GLIS3: variants seen among roughly 807,000 people sequenced by gnomAD.
The protein encoded by GLIS3 is zinc finger protein GLIS3.
In GLIS3, 53 loss-of-function variants were observed where a neutral mutation model predicts 78.6. The ratio of observed to expected loss-of-function variants is 0.67; its 90% CI spans 0.54 to 0.85. The LOEUF (loss-of-function observed/expected upper bound fraction) is 0.85, where lower values mean the gene tolerates loss of function less well. Ranked by LOEUF, GLIS3 falls within the 40% of genes least tolerant of loss-of-function variation. The probability of loss-of-function intolerance (pLI) is 0.00; values close to 1 mark genes in which losing one functional copy is unlikely to be tolerated. For missense variants in GLIS3, 1,703 were observed against 1,231.1 expected (o/e 1.38, Z -5.74); for synonymous variants, 684 against 509.9 (o/e 1.34, Z -4.60).
intron 2 of GLIS3, among the ~76,000 whole-genome samples, chr9:4,325,916 C>G (rs1386530127): frequency 6.6e-6 from 1 of 152,166 alleles, no homozygotes; most frequent in African/African-American, 2.4e-5. Context: ...ATGGATCGAG[C>G]TGGAAGCCAT....
chr9:3,960,022 T>A (rs472170), intron 4 of GLIS3, among the ~76,000 whole-genome samples: 1 of 151,936 alleles, frequency 6.6e-6, no homozygotes, highest in African/African-American at 2.4e-5. Context: ...CATGGTGGTG[T>A]GCACCTGTAA....
intron 2 of GLIS3, among the ~76,000 whole-genome samples, chr9:4,207,573 G>A (rs938713311): frequency 6.6e-6 from 1 of 152,094 alleles, no homozygotes; most frequent in Non-Finnish European, 1.5e-5. Context: ...ATGTTACTAC[G>A]TGCCTTACAC....
At chr9:3,832,654 G>A (rs1426222705) in intron 9 of GLIS3, among the ~76,000 whole-genome samples, 1 of 152,168 alleles carries the variant, frequency 6.6e-6, no homozygotes. Context: ...GGCAAATATG[G>A]CAGTATCATC....
At chr9:4,016,517 G>A (rs567367019) in intron 4 of GLIS3, among the ~76,000 whole-genome samples, 3 of 152,160 alleles carry the variant, frequency 2.0e-5, no homozygotes, top group African/African-American at 7.2e-5. Flanking sequence ...TGCCAATGGG[G>A]CATTTCAGAA....
chr9:4,408,771 G>C, the GLIS3 span, among the ~76,000 whole-genome samples: 1 of 149,676 alleles, frequency 6.7e-6, no homozygotes, highest in African/African-American at 2.5e-5. Context: ...ATAGGACCTA[G>C]TATTTGATGT....
chr9:4,320,588 T>C (rs1017157861), intron 2 of GLIS3, among the ~76,000 whole-genome samples: 3 of 144,106 alleles, frequency 2.1e-5, no homozygotes, highest in Admixed American at 6.7e-5. Flanking sequence ...ACAAAACCCA[T>C]CATCATCACC....
chr9:3,911,449 T>C (rs1824146726), intron 6 of GLIS3, among the ~76,000 whole-genome samples: 1 of 152,214 alleles, frequency 6.6e-6, no homozygotes, highest in Non-Finnish European at 1.5e-5. Context: ...CCTTCTTCAG[T>C]GCCTTGTGAA....
intron 4 of GLIS3, among the ~76,000 whole-genome samples, chr9:4,059,650 G>A (rs1291420752): frequency 1.3e-5 from 2 of 152,134 alleles, no homozygotes; most frequent in Non-Finnish European, 2.9e-5. Flanking sequence ...ATTCTAAACA[G>A]CCAACATGTG....
chr9:4,203,357 G>A (rs1361954691), intron 2 of GLIS3, among the ~76,000 whole-genome samples: 4 of 152,204 alleles, frequency 2.6e-5, no homozygotes, highest in African/African-American at 9.7e-5. Flanking sequence ...GGAGAAAAGG[G>A]AATGCTTATA....
At chr9:3,881,553 G>A (rs921370310) in intron 7 of GLIS3, among the ~76,000 whole-genome samples, 2 of 152,126 alleles carry the variant, frequency 1.3e-5, no homozygotes, top group African/African-American at 4.8e-5. Context: ...AATGACATAG[G>A]CTGGGAAATT....
intron 2 of GLIS3, among the ~76,000 whole-genome samples, chr9:4,345,325 C>A (rs531139384): frequency 1.3e-5 from 2 of 152,276 alleles, no homozygotes; most frequent in South Asian, 2.1e-4. Context: ...TCTATAATGA[C>A]CCCACTTAAT....
chr9:4,139,797 G>A (rs943562830), intron 2 of GLIS3, among the ~76,000 whole-genome samples: 1 of 152,154 alleles, frequency 6.6e-6, no homozygotes, highest in African/African-American at 2.4e-5. Context: ...TGGGGTTTCT[G>A]CCTCTATGAG....
At chr9:4,191,129 C>G (rs181391295) in intron 2 of GLIS3, among the ~76,000 whole-genome samples, 1 of 149,746 alleles carries the variant, frequency 6.7e-6, no homozygotes, top group African/African-American at 2.4e-5. Context: ...CATCAACTAA[C>G]GAGCAAAATA....
chr9:4,129,326 G>T (rs148394635), intron 2 of GLIS3, among the ~76,000 whole-genome samples: 51 of 152,270 alleles, frequency 3.3e-4, no homozygotes, highest in Middle Eastern at 3.4e-3. Flanking sequence ...CTGCCAAACA[G>T]GGATAAAGTT....
intron 4 of GLIS3, among the ~76,000 whole-genome samples, chr9:4,053,705 T>TTAAAAAAAAA (rs1554682400): frequency 4.4e-5 from 4 of 91,128 alleles, no homozygotes; most frequent in Non-Finnish European, 6.8e-5. Flanking sequence ...TCTTTCTTCA[T>TTAAAAAAAAA]AAAAAAAAAA....
chr9:3,911,911 C>T (rs1272658530), intron 6 of GLIS3, among the ~76,000 whole-genome samples: 1 of 152,134 alleles, frequency 6.6e-6, no homozygotes, highest in Non-Finnish European at 1.5e-5. Context: ...CCTTTTTCTC[C>T]AACCCACTTT....
chr9:4,393,036 A>G, the GLIS3 span, among the ~76,000 whole-genome samples: 2 of 152,206 alleles, frequency 1.3e-5, no homozygotes, highest in Admixed American at 6.5e-5. Flanking sequence ...TGATAGAAAA[A>G]AAATGACTTG....
At chr9:3,870,250 A>G (rs1249077983) in intron 8 of GLIS3, among the ~76,000 whole-genome samples, 1 of 152,194 alleles carries the variant, frequency 6.6e-6, no homozygotes, top group African/African-American at 2.4e-5. Context: ...CATATCAAGT[A>G]TATTCTCAGG....
At chr9:4,186,503 G>A (rs1292450991) in intron 2 of GLIS3, among the ~76,000 whole-genome samples, 2 of 151,638 alleles carry the variant, frequency 1.3e-5, no homozygotes, top group African/African-American at 2.4e-5. Flanking sequence ...TAATCCTTTG[G>A]GTATATACCC....
Sources: gnomAD v4.1 joint callset for allele counts (sites outside exome capture counted in the v4.1 genomes callset) on GRCh38, gnomAD v4.1.1 for gene constraint, MANE v1.5 for transcripts, NCBI Gene and HGNC (gene_info 2026-07-23, HGNC 2026-07-21) for gene names.